Variants in SMC3 observed in about 807,000 individuals in gnomAD.
The protein encoded by SMC3 is structural maintenance of chromosomes protein 3.
SMC3 carries 20 observed loss-of-function variants against 171.8 expected under a neutral mutation model. That is an observed-to-expected ratio of 0.12 (90% confidence interval 0.08 to 0.17). The LOEUF (loss-of-function observed/expected upper bound fraction) is 0.17, where lower values mean the gene tolerates loss of function less well. Among genes scored for constraint, SMC3 ranks in the 10% least tolerant of loss-of-function variants. SMC3 has a pLI of 1.00. For missense variants in SMC3, 543 were observed against 1,420.4 expected, an observed-to-expected ratio of 0.38 and a Z score of 9.93; for synonymous variants, 464 against 451.1, an observed-to-expected ratio of 1.03 and a Z score of -0.36.
intron 3 of SMC3, among the ~76,000 whole-genome samples, 162 bp from the exon 4 acceptor site, chr10:110,575,174 G>A (rs1266745599): frequency 2.6e-5 from 4 of 152,096 alleles, no homozygotes; most frequent in Non-Finnish European, 5.9e-5. Context: ...TTAGTCTGAT[G>A]TGCAGGCACA....
chr10:110,599,201 A>G (rs1970437), intron 20 of SMC3, among the ~76,000 whole-genome samples: 149,025 of 152,288 alleles, frequency 0.98, 72,984 homozygotes, highest in East Asian at 1. Flanking sequence ...GGGTTCAAGC[A>G]ATTCTCCTGC....
chr10:110,604,158 G>A (rs896003650), intron 28 of SMC3, 73 bp from the exon 29 acceptor site: 4 of 822,354 alleles, frequency 4.9e-6, no homozygotes, highest in African/African-American at 3.4e-5. Flanking sequence ...TTGATAGGCT[G>A]TATATATTTA....
chr10:110,567,857 C>G (rs756537443), intron 1 of SMC3, 26 bp downstream of exon 1: 4 of 1,613,136 alleles, frequency 2.5e-6, no homozygotes, highest in South Asian at 2.2e-5. Flanking sequence ...CCCTCCACCC[C>G]GTCATGGGCC....
chr10:110,582,994 A>G (rs1024867028), intron 10 of SMC3, among the ~76,000 whole-genome samples: 2 of 144,594 alleles, frequency 1.4e-5, no homozygotes, highest in African/African-American at 2.6e-5. Context: ...TGCAGTGGTG[A>G]GATCACAGCT....
chr10:110,591,072 G>A lies in SMC3; in HGVS notation c.1752G>A (p.Glu584=), dbSNP rs1861198107. The change falls in exon 17 of 29, where the codon GAG becomes GAA. Residue 584 remains glutamate (E), a synonymous_variant. Transcript: ENST00000361804. ...TTAATAAAATGAATCTTCCTGGAGA[G>A]GTTACTTTTCTGCCTCTTAACAAGT... ...MEFNKMNLPG[E]VTFLPLNKLD... The A allele has an allele frequency of 1.2e-6, 2 of 1,613,594 alleles. No homozygotes were observed. The highest frequency in any genetic ancestry group is 2.2e-5 in the South Asian group (2 of 91,072).
chr10:110,567,933 A>C, intron 1 of SMC3, 102 bp downstream of exon 1: 1 of 1,370,728 alleles, frequency 7.3e-7, no homozygotes, highest in Non-Finnish European at 1.0e-6. Context: ...CTGTCTCCAC[A>C]GGCTGGACCA....
Position 110,595,237 on chromosome 10 carries a change from C to G in SMC3, c.1964-1161C>G, listed in dbSNP as rs149464177. ...TCAGGTGATCTGCCTGCCTCAACCTCCCAAAGTGCTGGGATTACAGGCATG... is the reference window on the plus strand; with the variant it reads ...TCAGGTGATCTGCCTGCCTCAACCTGCCAAAGTGCTGGGATTACAGGCATG... On this transcript the variant is annotated intron_variant, in intron 18 of 28. Coordinates refer to ENST00000361804, the MANE Select transcript of SMC3 (RefSeq NM_005445.4). Among the ~76,000 whole-genome samples the G allele has an allele frequency of 7.7e-3, 1,160 of 151,600 alleles. 10 individuals carry two copies. The highest frequency in any genetic ancestry group is 0.01 in the Non-Finnish European group (694 of 67,888).
intron 2 of SMC3, 148 bp downstream of exon 2, chr10:110,569,161 G>T: frequency 1.5e-6 from 1 of 665,594 alleles, no homozygotes; most frequent in South Asian, 1.7e-5. Context: ...CTGTCTTATT[G>T]CACTGATGAA....
At chr10:110,587,501 C>T (rs181486913) in intron 13 of SMC3, among the ~76,000 whole-genome samples, 2 of 152,108 alleles carry the variant, frequency 1.3e-5, no homozygotes, top group East Asian at 1.9e-4. Flanking sequence ...CTGGCTAACA[C>T]GGTGAAACCA....
At chr10:110,596,360 A>G in intron 18 of SMC3, 38 bp from the exon 19 acceptor site, 2 of 1,556,198 alleles carry the variant, frequency 1.3e-6, no homozygotes, top group Non-Finnish European at 1.7e-6. Context: ...ATTGAATAAA[A>G]AAGTTGTACA....
chr10:110,590,876 G>A, intron 16 of SMC3, 115 bp from the exon 17 acceptor site: 1 of 925,304 alleles, frequency 1.1e-6, no homozygotes, highest in Non-Finnish European at 1.7e-6. Context: ...TTTTAAAAGT[G>A]CACACCTTTA....
intron 17 of SMC3, among the ~76,000 whole-genome samples, chr10:110,591,942 C>T (rs1345081227): frequency 2.0e-5 from 3 of 151,972 alleles, no homozygotes; most frequent in Non-Finnish European, 4.4e-5. Flanking sequence ...GTACATGGAG[C>T]GTGGTTCCAT....
intron 10 of SMC3, 46 bp from the exon 11 acceptor site, chr10:110,583,338 A>G (rs537983740): frequency 6.1e-6 from 9 of 1,480,144 alleles, no homozygotes; most frequent in Admixed American, 3.4e-5. Context: ...CAATTCTGCT[A>G]TTGTACTTCT....
Position 110,603,227 on chromosome 10 carries a change from T to C in SMC3, c.3519T>C (p.Thr1173=). The C allele has an allele frequency of 6.2e-7, 1 of 1,610,338 alleles. No homozygotes were observed. Among genetic ancestry groups the C allele is most frequent in the Non-Finnish European group, 8.5e-7 (1 of 1,178,308 alleles). Residue 1173 remains threonine, a synonymous_variant, in exon 28 of 29, where the codon ACT becomes ACC. Transcript: ENST00000361804. ...ELAVHAQFIT[T]TFRPELLESA... The stretch of plus-strand genomic sequence containing the variant: ...CTGTACATGCTCAGTTTATTACAAC[T>C]ACTTTTAGGCCTGAACTGCTTGAGT...
At chr10:110,583,235 A>T (rs1861059014) in intron 10 of SMC3, 149 bp from the exon 11 acceptor site, 8 of 688,562 alleles carry the variant, frequency 1.2e-5, no homozygotes, top group Non-Finnish European at 2.0e-5. Flanking sequence ...TACCAGAATT[A>T]TGGAATGATT....
intron 17 of SMC3, among the ~76,000 whole-genome samples, chr10:110,591,807 A>T (rs1383578535): frequency 6.6e-6 from 1 of 152,208 alleles, no homozygotes; most frequent in African/African-American, 2.4e-5. Context: ...GAACATTAAG[A>T]ATCTTGTAAG....
chr10:110,572,853 A>G (rs1347977659), intron 2 of SMC3, among the ~76,000 whole-genome samples: 1 of 151,976 alleles, frequency 6.6e-6, no homozygotes, highest in East Asian at 1.9e-4. Context: ...TCTTTTTATT[A>G]TTGGTATGGA....
chr10:110,585,209 A>G (rs968198015), intron 13 of SMC3, among the ~76,000 whole-genome samples: 4 of 149,286 alleles, frequency 2.7e-5, no homozygotes, highest in Admixed American at 6.7e-5. Flanking sequence ...CAAACTCCCA[A>G]CCTCAGGTGA....
At chr10:110,584,530 A>AT in intron 13 of SMC3, 134 bp downstream of exon 13, 1 of 659,582 alleles carries the variant, frequency 1.5e-6, no homozygotes, top group South Asian at 1.9e-5. Flanking sequence ...CTTATTTAGA[A>AT]AAGGCCTGCA....
Sources: gnomAD v4.1 joint callset for allele counts (sites outside exome capture counted in the v4.1 genomes callset) on GRCh38, gnomAD v4.1.1 for gene constraint, MANE v1.5 for transcripts, NCBI Gene and HGNC (gene_info 2026-07-23, HGNC 2026-07-21) for gene names.